GPBP1L1: variants seen among roughly 807,000 people sequenced by gnomAD.
GPBP1L1 encodes vasculin-like protein 1.
A neutral mutation model predicts 52.5 loss-of-function variants in GPBP1L1; 23 were observed. The observed-to-expected ratio is 0.44, with a 90% CI of 0.32 to 0.62. The LOEUF (loss-of-function observed/expected upper bound fraction) is 0.62, where lower values mean the gene tolerates loss of function less well. Among genes scored for constraint, GPBP1L1 ranks in the 20% least tolerant of loss-of-function variants. GPBP1L1 has a pLI of 0.06. For synonymous variants in GPBP1L1, 243 were observed against 203.1 expected (o/e 1.20, Z -1.67); for missense variants, 596 against 579.3 (o/e 1.03, Z -0.30).
At chr1:45,655,450 T>C (rs1478373531) in intron 4 of GPBP1L1, 131 bp from the exon 5 acceptor site, 5 of 1,026,102 alleles carry the variant, frequency 4.9e-6, no homozygotes, top group African/African-American at 4.8e-5. Flanking sequence ...TGTAAGCATA[T>C]GGACCCTAAG....
rs1423920082 is a variant in GPBP1L1 at position 45,661,136 on chromosome 1, C to T, written c.-1008G>A. ...GCCACTGGAAGGAGATATGAAGAATCTTCTATGCTTTGGTAGAGAAGTCAC... is the reference window on the plus strand; with the variant it reads ...GCCACTGGAAGGAGATATGAAGAATTTTCTATGCTTTGGTAGAGAAGTCAC... On this transcript the variant is annotated 5_prime_UTR_variant, in exon 3 of 13. Coordinates refer to ENST00000355105, the MANE Select transcript of GPBP1L1 (RefSeq NM_021639.5). 1 of 152,188 alleles carries T rather than the reference C, an allele frequency of 6.6e-6. No individual in the cohort carries two copies. The highest frequency in any genetic ancestry group is 1.9e-4 in the East Asian group (1 of 5,206). The allele number at this position is 152,188 out of a possible 1,614,324, so 9.4% of individuals were successfully genotyped here.
chr1:45,655,434 T>G, intron 4 of GPBP1L1, 115 bp from the exon 5 acceptor site: 1 of 1,205,744 alleles, frequency 8.3e-7, no homozygotes, highest in Admixed American at 2.1e-5. Context: ...TGATAGAAAC[T>G]CATATTGTAA....
chr1:45,640,440 A>C (rs767442402), intron 7 of GPBP1L1, 37 bp from the exon 8 acceptor site: 2 of 1,526,900 alleles, frequency 1.3e-6, no homozygotes, highest in South Asian at 1.1e-5. Flanking sequence ...ACAGAATGTC[A>C]AACCTGTTGT....
At chr1:45,644,402 GA>G (rs1224653581) in intron 6 of GPBP1L1, among the ~76,000 whole-genome samples, 1 of 151,996 alleles carries the variant, frequency 6.6e-6, no homozygotes, top group Non-Finnish European at 1.5e-5. Context: ...ATATAAACAG[GA>G]AAAATATAAA....
At chr1:45,665,113 AC>A (rs1644994225) in intron 2 of GPBP1L1, among the ~76,000 whole-genome samples, 1 of 150,106 alleles carries the variant, frequency 6.7e-6, no homozygotes, top group South Asian at 2.1e-4. Context: ...ATATGGTGAA[AC>A]CCCCGTCTCT....
chr1:45,662,563 T>C lies in GPBP1L1; in HGVS notation c.-1097-1338A>G, dbSNP rs1358835734. Among the ~76,000 whole-genome samples the C allele has an allele frequency of 5.9e-5, 9 of 152,308 alleles. No individual in the cohort carries two copies. In the South Asian group the frequency reaches 8.3e-4, roughly 14 times the overall value. The stretch of plus-strand genomic sequence containing the variant: ...TATCCAATTCAGCAGCCTTGCACTA[T>C]TGTTCATGGGAATAAGTTCATAGGA... On this transcript the variant is annotated intron_variant, in intron 2 of 12. Coordinates refer to ENST00000355105, the MANE Select transcript of GPBP1L1 (RefSeq NM_021639.5).
intron 2 of GPBP1L1, among the ~76,000 whole-genome samples, chr1:45,683,903 CAG>C (rs1488978052): frequency 7.3e-5 from 11 of 151,532 alleles, no homozygotes; most frequent in Non-Finnish European, 1.5e-4. Context: ...ATCTGGGTGA[CAG>C]AGTGAGACCC....
At chr1:45,661,349 A>T (rs1445759408) in intron 2 of GPBP1L1, 124 bp from the exon 3 acceptor site, 1 of 152,222 alleles carries the variant, frequency 6.6e-6, no homozygotes, top group African/African-American at 2.4e-5. Flanking sequence ...AAAACTCTTA[A>T]GTCCAATTTA....
At position 45,661,186 on chromosome 1, in the gene GPBP1L1, C is replaced by T. The variant is rs1557712615; in HGVS notation, c.-1058G>A. The T allele has an allele frequency of 6.6e-6, 1 of 152,150 alleles. No individual in the cohort carries two copies. The highest frequency in any genetic ancestry group is 1.5e-5 in the Non-Finnish European group (1 of 68,028). The allele number at this position is 152,150 out of a possible 1,614,324, so 9.4% of individuals were successfully genotyped here. A position where few individuals can be genotyped will look rare whatever the true frequency, so the allele number is the denominator to read the frequency against. On this transcript the variant is annotated 5_prime_UTR_variant, in exon 3 of 13. The change creates a premature stop within an existing upstream ORF in the 5' untranslated region. Coordinates refer to ENST00000355105, the MANE Select transcript of GPBP1L1 (RefSeq NM_021639.5). ...CTTATTATTTTGGATCCATTTCCACCACTTCACAATCATTTGAAAGGCCAC... is the reference window on the plus strand; with the variant it reads ...CTTATTATTTTGGATCCATTTCCACTACTTCACAATCATTTGAAAGGCCAC...
chr1:45,652,513 T>C (rs933101172), intron 6 of GPBP1L1, among the ~76,000 whole-genome samples: 1 of 152,222 alleles, frequency 6.6e-6, no homozygotes, highest in Non-Finnish European at 1.5e-5. Flanking sequence ...TTTTTCTTAA[T>C]GAAGTACGTA....
chr1:45,629,707 G>T, intron 11 of GPBP1L1, 29 bp from the exon 12 acceptor site: 2 of 1,387,408 alleles, frequency 1.4e-6, no homozygotes, highest in Non-Finnish European at 2.1e-6. Flanking sequence ...CAGGTAAAGA[G>T]AATACAACAT....
At chr1:45,632,732 G>A (rs1644546491) in intron 10 of GPBP1L1, among the ~76,000 whole-genome samples, 3 of 152,034 alleles carry the variant, frequency 2.0e-5, no homozygotes, top group African/African-American at 7.2e-5. Flanking sequence ...AAATAAATAA[G>A]AAAGAATGAA....
intron 6 of GPBP1L1, among the ~76,000 whole-genome samples, chr1:45,647,900 G>A (rs574896575): frequency 2.1e-4 from 32 of 152,272 alleles, no homozygotes; most frequent in Admixed American, 6.5e-4. Context: ...CCTAAGGGTA[G>A]TGGCTGCTCC....
intron 9 of GPBP1L1, 93 bp from the exon 10 acceptor site, chr1:45,633,740 C>A: frequency 1.6e-6 from 2 of 1,278,238 alleles, no homozygotes; most frequent in East Asian, 2.5e-5. Flanking sequence ...AATCTGGTAG[C>A]CTATTTATCA....
At chr1:45,683,024 C>T (rs1645229626) in intron 2 of GPBP1L1, among the ~76,000 whole-genome samples, 1 of 151,198 alleles carries the variant, frequency 6.6e-6, no homozygotes, top group Non-Finnish European at 1.5e-5. Context: ...ATCTGAACAA[C>T]CATAAATACA....
intron 2 of GPBP1L1, among the ~76,000 whole-genome samples, chr1:45,662,011 T>A (rs1003953442): frequency 1.3e-5 from 2 of 152,214 alleles, no homozygotes; most frequent in Admixed American, 6.5e-5. Context: ...ATTTTATATA[T>A]TTATATGGTA....
chr1:45,643,928 A>C (rs1202149413), intron 6 of GPBP1L1, among the ~76,000 whole-genome samples: 1 of 151,086 alleles, frequency 6.6e-6, no homozygotes, highest in African/African-American at 2.5e-5. Flanking sequence ...TGGCCTCCCA[A>C]AGTGCTGAGA....
intron 2 of GPBP1L1, among the ~76,000 whole-genome samples, chr1:45,675,175 T>C (rs925660133): frequency 1.3e-5 from 2 of 152,032 alleles, no homozygotes; most frequent in African/African-American, 4.8e-5. Flanking sequence ...TGCATGCCTG[T>C]AGTCCCAGCT....
chr1:45,684,759 T>TA (rs1443046887), intron 2 of GPBP1L1, among the ~76,000 whole-genome samples: 1 of 152,180 alleles, frequency 6.6e-6, no homozygotes, highest in Non-Finnish European at 1.5e-5. Flanking sequence ...TAATTTCTAT[T>TA]AAAAACTTTA....
Sources: gnomAD v4.1 joint callset for allele counts (sites outside exome capture counted in the v4.1 genomes callset) on GRCh38, gnomAD v4.1.1 for gene constraint, MANE v1.5 for transcripts, NCBI Gene and HGNC (gene_info 2026-07-23, HGNC 2026-07-21) for gene names.